AFF2: variants seen among roughly 807,000 people sequenced by gnomAD.
AFF2 encodes the protein ALF transcription elongation factor 2.
AFF2 carries 14 observed loss-of-function variants against 76.9 expected under a neutral mutation model. That is an observed-to-expected ratio of 0.18 (90% CI 0.12 to 0.28). AFF2 has a LOEUF of 0.28. Ranked by LOEUF, AFF2 falls within the 10% of genes least tolerant of loss-of-function variation. The pLI is 1.00. For synonymous variants in AFF2, 398 were observed against 366.7 expected (o/e 1.09, Z -0.98); for missense variants, 868 against 1,001.1 (o/e 0.87, Z 1.79).
intron 3 of AFF2, among the ~76,000 whole-genome samples, chrX:148,735,846 A>G (rs895065194): frequency 2.7e-5 from 3 of 111,618 alleles, no homozygotes; most frequent in Non-Finnish European, 3.8e-5. Flanking sequence ...TAGCTCCCAC[A>G]TATCAGTGAG....
rs782577359 is a variant in AFF2, at chrX:148,869,982, G to T, written c.1263-15907G>T. ...TTATCTCCAAATAAGACCACATTCT[G>T]AAATACTGGGGGTTAGGGCTTCAAC... On this transcript the variant is annotated intron_variant, in intron 7 of 20. Transcript: ENST00000370460. Among the ~76,000 whole-genome samples, 4 of 111,579 alleles carry T rather than the reference G, an allele frequency of 3.6e-5. No individual in the cohort carries two copies. In the South Asian group the frequency reaches 1.5e-3, roughly 43 times the overall value.
intron 4 of AFF2, among the ~76,000 whole-genome samples, chrX:148,836,964 C>T (rs985318608): frequency 8.9e-6 from 1 of 112,090 alleles, no homozygotes; most frequent in African/African-American, 3.2e-5. Context: ...AAGAATTCCC[C>T]TCAGCGGCTT....
chrX:148,507,561 T>C (rs1465635159), intron 1 of AFF2, among the ~76,000 whole-genome samples: 7 of 112,010 alleles, frequency 6.2e-5, no homozygotes, highest in African/African-American at 2.3e-4. Flanking sequence ...ATGACTTGTA[T>C]TTCATCATGA....
intron 9 of AFF2, among the ~76,000 whole-genome samples, chrX:148,949,869 G>T (rs1309981519): frequency 8.9e-6 from 1 of 112,666 alleles, no homozygotes; most frequent in Non-Finnish European, 1.9e-5. Context: ...CATTAATACA[G>T]TCTTAGTGAA....
At position 148,652,143 on chromosome X, in the gene AFF2, T is replaced by C; in HGVS notation, c.180+12T>C. 1.7e-6 allele frequency: 2 copies of C among 1,171,930 alleles called. No individual in the cohort carries two copies. The highest frequency in any genetic ancestry group is 2.3e-6 in the Non-Finnish European group (2 of 867,943). On this transcript the variant is annotated intron_variant, in intron 2 of 20. Coordinates refer to ENST00000370460, the MANE Select transcript of AFF2 (RefSeq NM_002025.4). ...AGGTAGCTGAATATGTATGTAATTT[T>C]TCTTTCTGGAAAATGGTTGCTTGTT...
intron 9 of AFF2, among the ~76,000 whole-genome samples, chrX:148,946,988 G>A (rs782088550): frequency 2.7e-5 from 3 of 112,101 alleles, no homozygotes; most frequent in Admixed American, 9.5e-5. Context: ...ACATCTTTGG[G>A]TCAGTCATTA....
chrX:148,683,136 G>T (rs191665747), intron 3 of AFF2, among the ~76,000 whole-genome samples: 1 of 111,681 alleles, frequency 9.0e-6, no homozygotes, highest in Non-Finnish European at 1.9e-5. Flanking sequence ...AGCAGGTTGC[G>T]TCTACCCTCT....
rs1196942287 is a variant in AFF2, at chrX:148,994,572, A to AGACCAAAAT, written c.*3241_*3249dup. The AGACCAAAAT allele has an allele frequency of 8.9e-6, 1 of 112,422 alleles. No individual in the cohort carries two copies. Among genetic ancestry groups the AGACCAAAAT allele is most frequent in the Non-Finnish European group, 1.9e-5 (1 of 53,347 alleles). The allele number at this position is 112,422 out of a possible 1,213,427, so 9.3% of individuals were successfully genotyped here. On this transcript the variant is annotated 3_prime_UTR_variant, in exon 21 of 21. Coordinates refer to ENST00000370460, the MANE Select transcript of AFF2 (RefSeq NM_002025.4). The stretch of plus-strand genomic sequence containing the variant: ...TTTTTTTCCATGTAAGGAAATGAAA[A>AGACCAAAAT]GACCAAAATCTTCAGGCAAAAAGCA...
intron 3 of AFF2, among the ~76,000 whole-genome samples, chrX:148,724,254 C>T (rs2055129237): frequency 1.8e-5 from 2 of 110,607 alleles, no homozygotes; most frequent in Admixed American, 9.6e-5. Context: ...TATGGCAGAC[C>T]TCAGAACTGG....
In AFF2 at chrX:148,501,008, G is replaced by T. The variant is rs1310644334; in HGVS notation, c.-90G>T. The T allele has an allele frequency of 8.0e-5, 87 of 1,086,763 alleles. No homozygotes were observed. Among genetic ancestry groups the T allele is most frequent in the South Asian group, 2.4e-4 (12 of 49,110 alleles). The allele number at this position is 1,086,763 out of a possible 1,213,427, so 89.6% of individuals were successfully genotyped here. Reference sequence around the variant, plus strand: ...CGGGAGGGCTGGAGAGCCGGGGGCCGCCGAGAACCGCCAGCGAGCTGTGCC... The same window carrying T: ...CGGGAGGGCTGGAGAGCCGGGGGCCTCCGAGAACCGCCAGCGAGCTGTGCC... On this transcript the variant is annotated 5_prime_UTR_variant, in exon 1 of 21. Coordinates refer to ENST00000370460, the MANE Select transcript of AFF2 (RefSeq NM_002025.4).
chrX:148,677,430 G>A (rs1178345978), intron 3 of AFF2, among the ~76,000 whole-genome samples: 6 of 111,894 alleles, frequency 5.4e-5, no homozygotes, highest in Non-Finnish European at 1.1e-4. Context: ...TCTTACAAAT[G>A]GCCTTTTTGG....
intron 4 of AFF2, among the ~76,000 whole-genome samples, chrX:148,826,251 T>C (rs1320117797): frequency 7.9e-5 from 8 of 100,801 alleles, no homozygotes; most frequent in African/African-American, 2.5e-4. Context: ...GTGGGGGTAA[T>C]TGGAATGCAC....
In AFF2 at chrX:148,901,805, GCTT is replaced by G. The variant is rs1307420880; in HGVS notation, c.1360-2415_1360-2413del. Reference sequence around the variant, plus strand: ...GTGAAAGCATAGTAACACATTGCGAGCTTTTTCTCATATGGCAAGGTTCTCTGC... The same window carrying G: ...GTGAAAGCATAGTAACACATTGCGAGTTTCTCATATGGCAAGGTTCTCTGC... On this transcript the variant is annotated intron_variant, in intron 8 of 20. Coordinates refer to ENST00000370460, the MANE Select transcript of AFF2 (RefSeq NM_002025.4). 1.8e-4 allele frequency among the ~76,000 whole-genome samples: 20 copies of G among 111,960 alleles called. No individual in the cohort carries two copies. In the Admixed American group the frequency reaches 1.8e-3, roughly 10 times the overall value.
intron 3 of AFF2, among the ~76,000 whole-genome samples, chrX:148,666,988 T>C (rs1427618155): frequency 8.9e-6 from 1 of 112,338 alleles, no homozygotes; most frequent in African/African-American, 3.2e-5. Flanking sequence ...ACATATTAAA[T>C]GTCTCCATCC....
chrX:148,525,851 G>A (rs2052652379), intron 1 of AFF2, among the ~76,000 whole-genome samples: 3 of 111,737 alleles, frequency 2.7e-5, no homozygotes, highest in African/African-American at 9.8e-5. Context: ...CTCAGTGTCA[G>A]TAGGCTGAGA....
intron 1 of AFF2, among the ~76,000 whole-genome samples, chrX:148,615,374 T>G (rs2053786935): frequency 8.9e-6 from 1 of 112,203 alleles, no homozygotes; most frequent in African/African-American, 3.2e-5. Context: ...AATTTTACAT[T>G]GACAGTGTCG....
intron 1 of AFF2, among the ~76,000 whole-genome samples, chrX:148,551,855 A>C (rs1557238986): frequency 8.9e-6 from 1 of 112,281 alleles, no homozygotes; most frequent in East Asian, 2.8e-4. Context: ...GGGTTATGGT[A>C]GTGTCCTTGG....
intron 3 of AFF2, among the ~76,000 whole-genome samples, chrX:148,678,857 T>A (rs1276339496): frequency 8.9e-6 from 1 of 111,833 alleles, no homozygotes; most frequent in Non-Finnish European, 1.9e-5. Context: ...TGTTATTGAA[T>A]CTTCCTGAAA....
chrX:148,906,267 G>A (rs142069162), intron 9 of AFF2, among the ~76,000 whole-genome samples: 1,418 of 111,746 alleles, frequency 0.013, 24 homozygotes, highest in African/African-American at 0.044. Context: ...GACATCAAAG[G>A]CATCCCTCTT....
Sources: gnomAD v4.1 joint callset for allele counts (sites outside exome capture counted in the v4.1 genomes callset) on GRCh38, gnomAD v4.1.1 for gene constraint, MANE v1.5 for transcripts, NCBI Gene and HGNC (gene_info 2026-07-23, HGNC 2026-07-21) for gene names.